RASGEF1B: variants seen among roughly 807,000 people sequenced by gnomAD.
RASGEF1B encodes RasGEF domain family member 1B, also known as ras-GEF domain-containing family member 1B.
In RASGEF1B, 30 loss-of-function variants were observed where a neutral mutation model predicts 65.7. The observed-to-expected ratio is 0.46, with a 90% CI of 0.34 to 0.62. The LOEUF (loss-of-function observed/expected upper bound fraction) is 0.62. RASGEF1B is among the 20% of genes least tolerant of loss of function. The probability of loss-of-function intolerance (pLI) is 0.01; values close to 1 mark genes in which losing one functional copy is unlikely to be tolerated. For missense variants in RASGEF1B, 495 were observed against 580.1 expected (o/e 0.85, Z 1.51); for synonymous variants, 175 against 194.8 (o/e 0.90, Z 0.85).
At chr4:81,471,500 G>C (rs1335772958) in intron 1 of RASGEF1B, among the ~76,000 whole-genome samples, 1 of 152,194 alleles carries the variant, frequency 6.6e-6, no homozygotes, top group Admixed American at 6.5e-5. Flanking sequence ...GGCCGCGGCA[G>C]TCCCAGGTAC....
rs529472138 is a variant in RASGEF1B at position 81,436,011 on chromosome 4, G to A, written c.1105-1277C>T. Among the ~76,000 whole-genome samples, 4 of 151,440 alleles carry A rather than the reference G, an allele frequency of 2.6e-5. No individual in the cohort carries two copies. In the South Asian group the frequency reaches 8.4e-4, roughly 32 times the overall value. The stretch of plus-strand genomic sequence containing the variant: ...GCCCAGGCTAGTCTCTAACTCATGG[G>A]GGTCAAGCAATCCTCTTATCTCAGC... On this transcript the variant is annotated intron_variant, in intron 10 of 13. Coordinates refer to ENST00000264400, the MANE Select transcript of RASGEF1B (RefSeq NM_152545.3).
chr4:81,445,702 A>G (rs761570361), intron 7 of RASGEF1B, 41 bp downstream of exon 7: 9 of 1,594,974 alleles, frequency 5.6e-6, no homozygotes, highest in Non-Finnish European at 6.9e-6. Flanking sequence ...GTATGAAAAA[A>G]TAATGTTGAG....
In RASGEF1B at chr4:81,442,160, T is replaced by G. The variant is rs1721860775; in HGVS notation, c.1008+137A>C. On this transcript the variant is annotated intron_variant, in intron 9 of 13. Coordinates refer to ENST00000264400, the MANE Select transcript of RASGEF1B (RefSeq NM_152545.3). ...TATTTTCCCCTCCAATTCTACCCAC[T>G]TTCCTTTCCCTGGGTCTGTAAAGAT... 1.1e-5 allele frequency: 7 copies of G among 651,386 alleles called. No homozygotes were observed. The South Asian group carries it at 1.1e-4, about 10-fold the overall frequency. 40.4% of individuals were successfully genotyped at this position (651,386 alleles called of 1,614,324 possible).
rs1231317709 is a variant in RASGEF1B at position 81,427,894 on chromosome 4, TA to T, written c.1398-103del. 6 of 1,216,472 alleles carry T rather than the reference TA, an allele frequency of 4.9e-6. No homozygotes were observed. The Admixed American group carries it at 1.6e-4, about 32-fold the overall frequency. 75.4% of individuals were successfully genotyped at this position (1,216,472 alleles called of 1,614,324 possible). On this transcript the variant is annotated intron_variant, in intron 13 of 13. Coordinates refer to ENST00000264400, the MANE Select transcript of RASGEF1B (RefSeq NM_152545.3). ...TACTAATTTTATCTTTCCTGTGTTT[TA>T]AGTTTGATTTTACAAAGTTAAACCA...
At chr4:81,432,254 C>A (rs776619787) in intron 13 of RASGEF1B, 45 bp downstream of exon 13, 2 of 1,352,870 alleles carry the variant, frequency 1.5e-6, no homozygotes, top group African/African-American at 1.5e-5. Flanking sequence ...CAAGGAAAGC[C>A]AATTTCCTTC....
chr4:81,456,355 A>G, intron 4 of RASGEF1B: 1 of 595,882 alleles, frequency 1.7e-6, no homozygotes, highest in Non-Finnish European at 3.0e-6. Flanking sequence ...TTGGGAGGAA[A>G]AAAGGTAAAA....
chr4:81,448,707 G>T (rs1722137214), intron 4 of RASGEF1B, among the ~76,000 whole-genome samples: 1 of 152,020 alleles, frequency 6.6e-6, no homozygotes, highest in Admixed American at 6.6e-5. Flanking sequence ...TTTCTTTAGG[G>T]CCACCTTCTT....
intron 5 of RASGEF1B, 28 bp from the exon 6 acceptor site, chr4:81,447,606 G>A: frequency 1.3e-6 from 2 of 1,572,844 alleles, no homozygotes; most frequent in South Asian, 1.1e-5. Flanking sequence ...AAGGTCAACA[G>A]TATTAAAGAA....
At chr4:81,449,668 A>T (rs1325214599) in intron 4 of RASGEF1B, among the ~76,000 whole-genome samples, 3 of 152,168 alleles carry the variant, frequency 2.0e-5, no homozygotes, top group Non-Finnish European at 2.9e-5. Flanking sequence ...ATTGGCTTTT[A>T]AAAAAATACC....
rs201095873 is a variant in RASGEF1B at position 81,427,426 on chromosome 4, A to AAC, written c.*340_*341dup. The AAC allele has an allele frequency of 0.019, 5,121 of 270,664 alleles. 267 individuals carry two copies. Among genetic ancestry groups the AAC allele is most frequent in the African/African-American group, 0.11 (4,793 of 45,556 alleles). The allele number at this position is 270,664 out of a possible 1,614,324, so 16.8% of individuals were successfully genotyped here. A position where few individuals can be genotyped will look rare whatever the true frequency, so the allele number is the denominator to read the frequency against. ...GCAAATGTTCAACCAAATTAAAAAA[A>AAC]ACACACACACACAAAAGAAAACTCC... On this transcript the variant is annotated 3_prime_UTR_variant, in exon 14 of 14. Transcript: ENST00000264400.
At chr4:81,428,823 T>A (rs572906345) in intron 13 of RASGEF1B, among the ~76,000 whole-genome samples, 4 of 152,356 alleles carry the variant, frequency 2.6e-5, no homozygotes, top group Non-Finnish European at 5.9e-5. Context: ...GATTTTGGTA[T>A]CTGCAGGAGG....
intron 1 of RASGEF1B, among the ~76,000 whole-genome samples, chr4:81,469,148 T>C (rs1722941862): frequency 6.6e-6 from 1 of 152,220 alleles, no homozygotes; most frequent in Non-Finnish European, 1.5e-5. Context: ...AAAAATCCCA[T>C]AAATCTTAAA....
chr4:81,445,644 C>A lies in RASGEF1B; in HGVS notation c.826-16G>T, dbSNP rs1334122360. The stretch of plus-strand genomic sequence containing the variant: ...TCTTAACAGGCTACACAGTAAAAGA[C>A]AATAGAGGGCAGTTATCCAGTATGA... On this transcript the variant is annotated splice_polypyrimidine_tract_variant and intron_variant, in intron 7 of 13. Coordinates refer to ENST00000264400, the MANE Select transcript of RASGEF1B (RefSeq NM_152545.3). 6 of 1,599,004 alleles carry A rather than the reference C, an allele frequency of 3.8e-6. No individual in the cohort carries two copies. The highest frequency in any genetic ancestry group is 5.1e-6 in the Non-Finnish European group (6 of 1,166,446).
intron 4 of RASGEF1B, chr4:81,451,943 G>C (rs1260453607): frequency 6.6e-6 from 1 of 152,230 alleles, no homozygotes; most frequent in Non-Finnish European, 1.5e-5. Flanking sequence ...GAAGCAATGA[G>C]CAGAACCGCT....
intron 1 of RASGEF1B, among the ~76,000 whole-genome samples, chr4:81,470,058 G>A (rs1289028233): frequency 2.6e-5 from 4 of 151,942 alleles, no homozygotes; most frequent in Non-Finnish European, 5.9e-5. Context: ...ATAATATAAC[G>A]CTGTTTGTAA....
chr4:81,445,922 G>C (rs1342522622), intron 6 of RASGEF1B, 84 bp from the exon 7 acceptor site: 5 of 973,600 alleles, frequency 5.1e-6, no homozygotes, highest in Non-Finnish European at 8.0e-6. Context: ...CGAGCCTTTA[G>C]TCTCAGTTTA....
rs546922785 is a variant in RASGEF1B at position 81,459,609 on chromosome 4, G to A, written c.-6-95C>T. The A allele has an allele frequency of 2.5e-4, 229 of 912,010 alleles. 1 individual carries two copies. In the South Asian group the frequency reaches 4.1e-3, roughly 16 times the overall value. 56.5% of individuals were successfully genotyped at this position (912,010 alleles called of 1,614,324 possible). On this transcript the variant is annotated intron_variant, in intron 1 of 13. Transcript: ENST00000264400. ...ATAGGCACTAAGATTTAATAGTAAC[G>A]AGAGAATAGGCAATTAAAATAGTAG...
chr4:81,451,510 G>T (rs10026427), intron 4 of RASGEF1B: 6 of 152,090 alleles, frequency 3.9e-5, no homozygotes, highest in African/African-American at 1.2e-4. Context: ...GTATACATAG[G>T]AGCAGCGCCG....
intron 2 of RASGEF1B, 68 bp from the exon 3 acceptor site, chr4:81,457,689 T>C (rs1192880843): frequency 6.4e-7 from 1 of 1,554,360 alleles, no homozygotes. Flanking sequence ...CTTTATACTA[T>C]GTCTTATTTC....
Sources: gnomAD v4.1 joint callset for allele counts (sites outside exome capture counted in the v4.1 genomes callset) on GRCh38, gnomAD v4.1.1 for gene constraint, MANE v1.5 for transcripts, NCBI Gene and HGNC (gene_info 2026-07-23, HGNC 2026-07-21) for gene names.